NPHS1: variants seen among roughly 807,000 people sequenced by gnomAD.
NPHS1 encodes NPHS1 adhesion molecule, nephrin.
NPHS1 carries 107 observed loss-of-function variants against 139.7 expected under a neutral mutation model. The ratio of observed to expected loss-of-function variants is 0.77; its 90% confidence interval spans 0.66 to 0.90. NPHS1 has a LOEUF of 0.90. Among genes scored for constraint, NPHS1 ranks in the 40% least tolerant of loss-of-function variants. The pLI is 0.00. For synonymous variants in NPHS1, 707 were observed against 706.6 expected (o/e 1.00, Z -0.01); for missense variants, 1,580 against 1,654.2 (o/e 0.96, Z 0.78).
chr19:35,826,820 C>T (rs529498611), intron 28 of NPHS1, among the ~76,000 whole-genome samples, 175 bp from the exon 29 acceptor site: 28 of 152,130 alleles, frequency 1.8e-4, no homozygotes, highest in African/African-American at 6.5e-4. Context: ...TATGATGAAC[C>T]CCATGTGCTT....
chr19:35,834,852 T>C (rs1362791774), intron 23 of NPHS1, among the ~76,000 whole-genome samples: 1 of 148,588 alleles, frequency 6.7e-6, no homozygotes, highest in Admixed American at 6.8e-5. Flanking sequence ...ACCACTGCAC[T>C]CCAGCCTGGG....
rs1973089245 is a variant in NPHS1 at position 35,843,491 on chromosome 19, A to G, written c.2315T>C (p.Met772Thr). ...CCTCACCAGTCTCTCCCAGTTGAAC[A>G]TGCCCGGGAGGATGGGATTGGCATC... ...TVDANPILPG[M>T]FNWERLGEDE... The change falls in exon 17 of 29, where the codon ATG becomes ACG. Residue 772 changes from methionine to threonine, a missense_variant. Coordinates refer to ENST00000378910, the MANE Select transcript of NPHS1 (RefSeq NM_004646.4). 6.2e-7 allele frequency: 1 copy of G among 1,614,070 alleles called. No individual in the cohort carries two copies. The highest frequency in any genetic ancestry group is 1.6e-4 in the Middle Eastern group (1 of 6,062).
intron 14 of NPHS1, 54 bp from the exon 15 acceptor site, chr19:35,844,513 G>A: frequency 6.5e-7 from 1 of 1,532,154 alleles, no homozygotes; most frequent in Non-Finnish European, 8.8e-7. Context: ...TAGGGTCAAG[G>A]ACAGATTGGA....
intron 23 of NPHS1, among the ~76,000 whole-genome samples, chr19:35,833,044 C>A (rs546832310): frequency 6.0e-4 from 71 of 118,452 alleles, no homozygotes; most frequent in Admixed American, 3.6e-3. Context: ...GCCACCACAC[C>A]CGGCTAATTT....
intron 21 of NPHS1, 30 bp from the exon 22 acceptor site, chr19:35,839,448 G>A (rs766286519): frequency 2.5e-5 from 40 of 1,613,692 alleles, no homozygotes; most frequent in Middle Eastern, 3.3e-4. Flanking sequence ...TAAATTCAGG[G>A]AAGTGCCCTA....
chr19:35,846,256 C>A (rs1424457873), intron 11 of NPHS1, 62 bp from the exon 12 acceptor site: 1 of 1,517,346 alleles, frequency 6.6e-7, no homozygotes, highest in Non-Finnish European at 8.9e-7. Flanking sequence ...ACCCCCAACC[C>A]CCCTACCCTG....
chr19:35,827,235 C>A (rs1471015664), intron 28 of NPHS1, among the ~76,000 whole-genome samples: 1 of 152,000 alleles, frequency 6.6e-6, no homozygotes, highest in African/African-American at 2.4e-5. Context: ...CCCGTCTCAG[C>A]CTCCCAAAGT....
Position 35,848,229 on chromosome 19 carries a change from T to TG in NPHS1, c.1315+23dup, listed in dbSNP as rs1376084095. On this transcript the variant is annotated intron_variant, in intron 10 of 28. Coordinates refer to ENST00000378910, the MANE Select transcript of NPHS1 (RefSeq NM_004646.4). Reference sequence around the variant, plus strand: ...GCTGGGTCCTGAGGCTTGGGGGCATTGCTGGGCCAGGGCAGGGGCTCACAT... The same window carrying TG: ...GCTGGGTCCTGAGGCTTGGGGGCATTGGCTGGGCCAGGGCAGGGGCTCACAT... The TG allele has an allele frequency of 5.0e-6, 8 of 1,614,128 alleles. No homozygotes were observed. In the South Asian group the frequency reaches 5.5e-5, roughly 11 times the overall value.
At position 35,831,287 on chromosome 19, in the gene NPHS1, C is replaced by T. The variant is rs1381677154; in HGVS notation, c.3387+9G>A. 3.7e-6 allele frequency: 6 copies of T among 1,613,876 alleles called. No homozygotes were observed. Among genetic ancestry groups the T allele is most frequent in the East Asian group, 4.5e-5 (2 of 44,870 alleles). ...TGATTGTGGGGTCACCAGGGCCACC[C>T]CCACTTACCGTGGAGCTCTGAGTGT... is the stretch of plus-strand genomic sequence containing the variant. On this transcript the variant is annotated intron_variant, in intron 26 of 28. Coordinates refer to ENST00000378910, the MANE Select transcript of NPHS1 (RefSeq NM_004646.4).
In NPHS1 at chr19:35,848,668, T is replaced by G; in HGVS notation, c.1139A>C (p.Gln380Pro). The G allele has an allele frequency of 6.2e-7, 1 of 1,613,980 alleles. No homozygotes were observed. The highest frequency in any genetic ancestry group is 8.5e-7 in the Non-Finnish European group (1 of 1,180,032). ...VLLRWWLGWR[Q>P]LLPMEETVMD... The stretch of plus-strand genomic sequence containing the variant: ...GACTGTCTCCTCCATGGGCAGCAGC[T>G]GCCGCCAGCCCAGCCACCATCGTAG... Residue 380 changes from glutamine (Q) to proline (P), a missense_variant, in exon 9 of 29, where the codon CAG (glutamine) becomes CCG (proline). Gln to Pro is a moderately conservative substitution (Grantham distance 76). Transcript: ENST00000378910.
chr19:35,843,681 G>A, intron 16 of NPHS1, 88 bp from the exon 17 acceptor site: 1 of 1,554,916 alleles, frequency 6.4e-7, no homozygotes, highest in East Asian at 2.3e-5. Context: ...ATGTCTTAGG[G>A]GTTCCAGGAA....
At position 35,845,301 on chromosome 19, in the gene NPHS1, G is replaced by T. The variant is rs1440763795; in HGVS notation, c.1930+67C>A. On this transcript the variant is annotated intron_variant, in intron 14 of 28. Transcript: ENST00000378910. This position sits in a 1 kb window ranked among gnomAD's most constrained non-coding sequence, Gnocchi z 5.5. The stretch of plus-strand genomic sequence containing the variant: ...AGAAGAGAAAAAGAAGGAAAAAAAG[G>T]TAAGACCCAAGGAGTAGTTTAGGGT... 1.3e-6 allele frequency: 2 copies of T among 1,540,418 alleles called. No homozygotes were observed. The highest frequency in any genetic ancestry group is 9.0e-7 in the Non-Finnish European group (1 of 1,113,876).
In NPHS1 at chr19:35,852,263, C is replaced by A. The variant is rs1029067036; in HGVS notation, c.-426G>T. 5.3e-5 allele frequency among the ~76,000 whole-genome samples: 8 copies of A among 151,728 alleles called. No individual in the cohort carries two copies. The highest frequency in any genetic ancestry group is 1.2e-4 in the Non-Finnish European group (8 of 67,938). On this transcript the variant is annotated 5_prime_UTR_variant, in exon 1 of 29. Coordinates refer to ENST00000378910, the MANE Select transcript of NPHS1 (RefSeq NM_004646.4). ...TTCCATCTTTCTCTCCTTGTCTAAG[C>A]CGTTCTCTCTCCTTTTGTCTCTGTC...
intron 22 of NPHS1, among the ~76,000 whole-genome samples, chr19:35,838,930 C>T (rs1475662705): frequency 6.6e-6 from 1 of 152,156 alleles, no homozygotes; most frequent in Non-Finnish European, 1.5e-5. Context: ...CCTCTAAGTA[C>T]TGCTTTAACT....
rs369636803 is a variant in NPHS1, at chr19:35,848,077, G to A, written c.1404C>T (p.Ile468=). 8 of 1,613,782 alleles carry A rather than the reference G, an allele frequency of 5.0e-6. No homozygotes were observed. Among genetic ancestry groups the A allele is most frequent in the South Asian group, 2.2e-5 (2 of 91,084 alleles). ...GTRVRLVCLA[I]GGNPEPSLMW... ...TGAGGGAGGGCTCTGGGTTGCCCCC[G>A]ATAGCCAAACACACCAGCCTCACCC... Residue 468 remains isoleucine, a synonymous_variant, in exon 11 of 29, where the codon ATC becomes ATT. Transcript: ENST00000378910.
Position 35,839,540 on chromosome 19 carries a change from C to CCACT in NPHS1, c.2879_2882dup (p.Trp961Ter). On this transcript the variant is annotated stop_gained and frameshift_variant, in exon 21 of 29. Transcript: ENST00000378910. LOFTEE classifies it high-confidence loss of function. ...GCAGGCCCCCATCAAAGCCAGGCTT[C>CCACT]CACTCCAGCCCCACGGAGTGTGGGG... 1 of 1,614,170 alleles carries CCACT rather than the reference C, an allele frequency of 6.2e-7. No homozygotes were observed. The highest frequency in any genetic ancestry group is 8.5e-7 in the Non-Finnish European group (1 of 1,180,020).
rs370018403 is a variant in NPHS1, at chr19:35,845,811, G to A, written c.1628-13C>T. On this transcript the variant is annotated splice_polypyrimidine_tract_variant and intron_variant, in intron 12 of 28. Coordinates refer to ENST00000378910, the MANE Select transcript of NPHS1 (RefSeq NM_004646.4). This position sits in a 1 kb window ranked among gnomAD's most constrained non-coding sequence, Gnocchi z 5.5. Reference sequence around the variant, plus strand: ...TTAGTTGGGGGAACTGGGAGACGGGGTTGGAGGAGCGAGACTCAGAGGTTA... The same window carrying A: ...TTAGTTGGGGGAACTGGGAGACGGGATTGGAGGAGCGAGACTCAGAGGTTA... 5.0e-6 allele frequency: 8 copies of A among 1,610,954 alleles called. No individual in the cohort carries two copies. The African/African-American group carries it at 9.3e-5, about 19-fold the overall frequency.
chr19:35,845,948 G>A lies in NPHS1; in HGVS notation c.1627+60C>T. ...CGGGTCCAGGGTTCGCTGGGTCCCT[G>A]CCCCACCTGGCTCTGTCCCTCCCGC... On this transcript the variant is annotated intron_variant, in intron 12 of 28. Coordinates refer to ENST00000378910, the MANE Select transcript of NPHS1 (RefSeq NM_004646.4). This position sits in a 1 kb window ranked among gnomAD's most constrained non-coding sequence, Gnocchi z 5.5. 1 of 1,534,064 alleles carries A rather than the reference G, an allele frequency of 6.5e-7. No individual in the cohort carries two copies. The highest frequency in any genetic ancestry group is 8.8e-7 in the Non-Finnish European group (1 of 1,136,546).
rs11326003 is a variant in NPHS1 at position 35,839,829 on chromosome 19, CA to C, written c.2816-223del. On this transcript the variant is annotated intron_variant, in intron 20 of 28. Coordinates refer to ENST00000378910, the MANE Select transcript of NPHS1 (RefSeq NM_004646.4). Reference sequence around the variant, plus strand: ...ACCAAGTCTGAAAGATGCTTGAGCCCAGGAGTTCGAGACCAGCCTGGGCAAC... The same window carrying C: ...ACCAAGTCTGAAAGATGCTTGAGCCCGGAGTTCGAGACCAGCCTGGGCAAC... 0.084 allele frequency among the ~76,000 whole-genome samples: 12,745 copies of C among 152,026 alleles called. 992 individuals carry two copies. The highest frequency in any genetic ancestry group is 0.21 in the African/African-American group (8,623 of 41,402).
Sources: gnomAD v4.1 joint callset for allele counts (sites outside exome capture counted in the v4.1 genomes callset) on GRCh38, gnomAD v4.1.1 for gene constraint, Gnocchi (gnomAD v3.1) non-coding constraint, MANE v1.5 for transcripts, NCBI Gene and HGNC (gene_info 2026-07-23, HGNC 2026-07-21) for gene names.